Variants in RCBTB1 observed in about 807,000 individuals in gnomAD.
The protein encoded by RCBTB1 is RCC1 and BTB domain-containing protein 1.
Under a neutral mutation model 62.4 loss-of-function variants are expected in RCBTB1, and 46 were observed. That is an observed-to-expected ratio of 0.74 (90% CI 0.58 to 0.94). The LOEUF (loss-of-function observed/expected upper bound fraction) is 0.94. RCBTB1 is among the 40% of genes least tolerant of loss of function. RCBTB1 has a pLI of 0.00. For synonymous variants in RCBTB1, 222 were observed against 245.8 expected, an observed-to-expected ratio of 0.90 and a Z score of 0.91; for missense variants, 565 against 654.9, an observed-to-expected ratio of 0.86 and a Z score of 1.50.
rs757209150 is a variant in RCBTB1 at position 49,549,624 on chromosome 13, G to A, written c.879C>T (p.His293=). Residue 293 remains histidine, a synonymous_variant, in exon 9 of 13, where the codon CAC becomes CAT. Transcript: ENST00000378302. ...KERVVEIAAC[H]SAHTSAAKTQ... is the part of the protein sequence containing the mutation. ...TCTTGGCTGCAGACGTGTGGGCAGA[G>A]TGACAGGCTGCAATCTCTACCACCC... 3 of 1,612,116 alleles carry A rather than the reference G, an allele frequency of 1.9e-6. No individual in the cohort carries two copies. Among genetic ancestry groups the A allele is most frequent in the African/African-American group, 1.3e-5 (1 of 74,922 alleles).
intron 8 of RCBTB1, chr13:49,549,875 T>G (rs1358217796): frequency 1.6e-5 from 16 of 985,404 alleles, no homozygotes; most frequent in Non-Finnish European, 1.9e-5. Flanking sequence ...TGAGTTAGGA[T>G]AGATCACACA....
chr13:49,567,365 G>A (rs1963097587), intron 2 of RCBTB1, 45 bp from the exon 3 acceptor site: 1 of 1,445,598 alleles, frequency 6.9e-7, no homozygotes, highest in African/African-American at 1.4e-5. Context: ...AATAGTCACT[G>A]AGCTAACTTT....
intron 2 of RCBTB1, among the ~76,000 whole-genome samples, chr13:49,579,345 C>T (rs1963960982): frequency 1.3e-5 from 2 of 152,238 alleles, no homozygotes; most frequent in Admixed American, 6.5e-5. Flanking sequence ...AAAGGGAGGC[C>T]GGGCGTGGTG....
chr13:49,581,548 A>G (rs745321467), intron 1 of RCBTB1, among the ~76,000 whole-genome samples: 1 of 152,244 alleles, frequency 6.6e-6, no homozygotes, highest in Non-Finnish European at 1.5e-5. Flanking sequence ...AGCTCAAGAA[A>G]GGTCTGGATT....
intron 2 of RCBTB1, among the ~76,000 whole-genome samples, chr13:49,575,620 A>G (rs1294140220): frequency 3.3e-5 from 5 of 152,182 alleles, no homozygotes; most frequent in Admixed American, 2.0e-4. Flanking sequence ...CCATTATCCT[A>G]TGTGAATTAA....
chr13:49,565,189 A>AT lies in RCBTB1; in HGVS notation c.277+1428dup, dbSNP rs1472292611. On this transcript the variant is annotated intron_variant, in intron 4 of 12. Transcript: ENST00000378302. The stretch of plus-strand genomic sequence containing the variant: ...GCCGCCACACCTGACTGGTTTTCGT[A>AT]TTTTTTTGGTGGAGACGGGGTTTCG... Among the ~76,000 whole-genome samples, 6 of 152,130 alleles carry AT rather than the reference A, an allele frequency of 3.9e-5. No homozygotes were observed. In the East Asian group the frequency reaches 9.7e-4, roughly 25 times the overall value.
chr13:49,555,768 A>C, intron 5 of RCBTB1, 95 bp from the exon 6 acceptor site: 1 of 909,038 alleles, frequency 1.1e-6, no homozygotes, highest in Non-Finnish European at 1.7e-6. Flanking sequence ...ATCCTACTTA[A>C]TGAGTACTTA....
chr13:49,582,689 C>T (rs1031475433), intron 1 of RCBTB1, among the ~76,000 whole-genome samples: 2 of 152,140 alleles, frequency 1.3e-5, no homozygotes, highest in East Asian at 1.9e-4. Flanking sequence ...ACATGCCCAC[C>T]GGCAATGTAC....
At chr13:49,567,036 C>A in intron 3 of RCBTB1, 118 bp downstream of exon 3, 1 of 967,868 alleles carries the variant, frequency 1.0e-6, no homozygotes. Flanking sequence ...CATAGTCTTC[C>A]TGAACTTCAG....
At chr13:49,574,770 G>C (rs1199307049) in intron 2 of RCBTB1, among the ~76,000 whole-genome samples, 1 of 151,538 alleles carries the variant, frequency 6.6e-6, no homozygotes, top group Non-Finnish European at 1.5e-5. Flanking sequence ...GCAGAGACTT[G>C]AACAGATAGT....
intron 5 of RCBTB1, among the ~76,000 whole-genome samples, chr13:49,557,709 C>T (rs1387892372): frequency 6.6e-6 from 1 of 151,952 alleles, no homozygotes; most frequent in African/African-American, 2.4e-5. Context: ...CGCTTGAGCC[C>T]AGGAGTTCAA....
At chr13:49,553,529 AGTAACAGAGCTAG>A (rs1566235391) in intron 6 of RCBTB1, among the ~76,000 whole-genome samples, 1 of 152,326 alleles carries the variant, frequency 6.6e-6, no homozygotes, top group East Asian at 1.9e-4. Context: ...ATCTGCTGAA[AGTAACAGAGCTAG>A]GCATAGGTTT....
rs1959607629 is a variant in RCBTB1, at chr13:49,532,138, T to C, written c.*1984A>G. ...AAATCAATTCAAATAAGAGTTGTCA[T>C]ATCCTGCTATGATTAACAAAAAAAC... On this transcript the variant is annotated 3_prime_UTR_variant, in exon 13 of 13. Coordinates refer to ENST00000378302, the MANE Select transcript of RCBTB1 (RefSeq NM_018191.4). The C allele has an allele frequency of 1.3e-5, 2 of 152,578 alleles. No homozygotes were observed. Among genetic ancestry groups the C allele is most frequent in the South Asian group, 4.1e-4 (2 of 4,836 alleles). 9.5% of individuals were successfully genotyped at this position (152,578 alleles called of 1,614,324 possible).
chr13:49,565,856 G>A (rs1455437420), intron 4 of RCBTB1, among the ~76,000 whole-genome samples: 3 of 151,898 alleles, frequency 2.0e-5, no homozygotes, highest in Non-Finnish European at 4.4e-5. Flanking sequence ...AGAGAAATCA[G>A]ATTGTTGCTG....
At chr13:49,556,583 G>C (rs534886750) in intron 5 of RCBTB1, among the ~76,000 whole-genome samples, 5 of 152,014 alleles carry the variant, frequency 3.3e-5, no homozygotes, top group Admixed American at 2.6e-4. Context: ...CCAACATTAG[G>C]AAATGTCTAA....
chr13:49,544,751 A>C lies in RCBTB1; in HGVS notation c.1158T>G (p.Ala386=). The change falls in exon 10 of 13, where the codon GCT becomes GCG. Residue 386 remains alanine, a synonymous_variant. Coordinates refer to ENST00000378302, the MANE Select transcript of RCBTB1 (RefSeq NM_018191.4). ...IDGKYIHVHK[A]VLKIRCEHFR... ...TGCAAAAATACCTGATTTTCAAAAC[A>C]GCTTTATGGACATGAATATATTTTC... 6.2e-7 allele frequency: 1 copy of C among 1,610,458 alleles called. No individual in the cohort carries two copies. The highest frequency in any genetic ancestry group is 1.1e-5 in the South Asian group (1 of 90,790).
intron 3 of RCBTB1, 62 bp downstream of exon 3, chr13:49,567,092 C>G: frequency 6.6e-7 from 1 of 1,520,226 alleles, no homozygotes; most frequent in South Asian, 1.1e-5. Flanking sequence ...TTGAACTGGA[C>G]ACTTTGAAGA....
chr13:49,576,802 A>G (rs1182588430), intron 2 of RCBTB1, among the ~76,000 whole-genome samples: 1 of 152,102 alleles, frequency 6.6e-6, no homozygotes, highest in Admixed American at 6.6e-5. Context: ...TGCAGCCTGA[A>G]TTACCACTCT....
chr13:49,538,988 G>A (rs1960140582), intron 12 of RCBTB1, among the ~76,000 whole-genome samples: 1 of 150,914 alleles, frequency 6.6e-6, no homozygotes, highest in Admixed American at 6.6e-5. Flanking sequence ...TCCTGCCTCA[G>A]CCTCCCGAAT....
Sources: allele counts gnomAD v4.1 joint callset (sites outside exome capture counted in the v4.1 genomes callset), GRCh38; gene constraint gnomAD v4.1.1; transcripts MANE v1.5; gene names NCBI Gene and HGNC (gene_info 2026-07-23, HGNC 2026-07-21).